Variants in RALGAPB observed in about 807,000 individuals in gnomAD.
RALGAPB encodes Ral GTPase activating protein non-catalytic subunit beta, also known as ral GTPase-activating protein subunit beta.
A neutral mutation model predicts 161.1 loss-of-function variants in RALGAPB; 25 were observed. That is an observed-to-expected ratio of 0.16 (90% CI 0.11 to 0.22). The LOEUF is 0.22. Among genes scored for constraint, RALGAPB ranks in the 10% least tolerant of loss-of-function variants. The pLI is 1.00. For synonymous variants in RALGAPB, 629 were observed against 626.1 expected, an observed-to-expected ratio of 1.00 and a Z score of -0.07; for missense variants, 1,391 against 1,815.2, an observed-to-expected ratio of 0.77 and a Z score of 4.25.
chr20:38,543,024 G>A (rs1303836520), intron 18 of RALGAPB, among the ~76,000 whole-genome samples: 1 of 152,138 alleles, frequency 6.6e-6, no homozygotes, highest in Non-Finnish European at 1.5e-5. Flanking sequence ...TGAGTGCATG[G>A]CTAGCAGTGA....
At chr20:38,476,532 T>C (rs1318923231) in intron 1 of RALGAPB, among the ~76,000 whole-genome samples, 1 of 152,068 alleles carries the variant, frequency 6.6e-6, no homozygotes, top group Non-Finnish European at 1.5e-5. Context: ...TGTATTGTTG[T>C]GTTGTGTTTG....
At chr20:38,502,421 A>G (rs1276206389) in intron 5 of RALGAPB, among the ~76,000 whole-genome samples, 1 of 152,214 alleles carries the variant, frequency 6.6e-6, no homozygotes, top group African/African-American at 2.4e-5. Context: ...AACTCATGAC[A>G]TTACAAGAAA....
In RALGAPB at chr20:38,488,628, T is replaced by G. The variant is rs2122862361; in HGVS notation, c.186+10T>G. 1 of 1,598,732 alleles carries G rather than the reference T, an allele frequency of 6.3e-7. No individual in the cohort carries two copies. The highest frequency in any genetic ancestry group is 8.5e-7 in the Non-Finnish European group (1 of 1,170,064). Reference sequence around the variant, plus strand: ...AAAAACTGACAAAGAAGTAAGTGTTTCTAAATTTCATTCTCTTATATGAAA... The same window carrying G: ...AAAAACTGACAAAGAAGTAAGTGTTGCTAAATTTCATTCTCTTATATGAAA... On this transcript the variant is annotated intron_variant, in intron 2 of 29. Transcript: ENST00000262879.
At chr20:38,553,382 G>A (rs1185250760) in intron 21 of RALGAPB, among the ~76,000 whole-genome samples, 1 of 152,162 alleles carries the variant, frequency 6.6e-6, no homozygotes, top group Admixed American at 6.5e-5. Flanking sequence ...GGTGAAGATG[G>A]ACAGTGATCT....
intron 18 of RALGAPB, among the ~76,000 whole-genome samples, 155 bp downstream of exon 18, chr20:38,541,347 C>G (rs2086958123): frequency 1.3e-5 from 2 of 151,898 alleles, no homozygotes; most frequent in Admixed American, 1.3e-4. Context: ...AAGAAAATCT[C>G]TATTTTTTTT....
At chr20:38,512,225 A>G (rs2085982199) in intron 6 of RALGAPB, among the ~76,000 whole-genome samples, 1 of 152,230 alleles carries the variant, frequency 6.6e-6, no homozygotes, top group South Asian at 2.1e-4. Context: ...TATATATAGC[A>G]TTTAAAAGAG....
chr20:38,521,910 G>A (rs1329741182), intron 10 of RALGAPB, among the ~76,000 whole-genome samples: 1 of 152,176 alleles, frequency 6.6e-6, no homozygotes, highest in Non-Finnish European at 1.5e-5. Context: ...TGCTATTTAT[G>A]TCATCTTATT....
chr20:38,507,067 A>G (rs963509005), intron 5 of RALGAPB, among the ~76,000 whole-genome samples: 1 of 152,192 alleles, frequency 6.6e-6, no homozygotes, highest in African/African-American at 2.4e-5. Context: ...CTTGATTATA[A>G]TCACAGTACA....
At chr20:38,553,313 C>CT (rs769041282) in intron 21 of RALGAPB, among the ~76,000 whole-genome samples, 4 of 152,102 alleles carry the variant, frequency 2.6e-5, no homozygotes, top group Non-Finnish European at 5.9e-5. Context: ...GGAGAAGTCT[C>CT]TAAGAGTACA....
At chr20:38,561,096 C>T (rs1323895866) in intron 23 of RALGAPB, among the ~76,000 whole-genome samples, 5 of 152,180 alleles carry the variant, frequency 3.3e-5, no homozygotes, top group African/African-American at 7.2e-5. Flanking sequence ...GAGGCCGAGG[C>T]GCGCGGATCA....
intron 23 of RALGAPB, among the ~76,000 whole-genome samples, 174 bp downstream of exon 23, chr20:38,558,627 A>G (rs1412411692): frequency 6.6e-6 from 1 of 152,180 alleles, no homozygotes; most frequent in Admixed American, 6.5e-5. Context: ...TCAAGTTTTT[A>G]AAGATAAAAA....
At chr20:38,537,997 C>A in intron 16 of RALGAPB, 1 of 155,164 alleles carries the variant, frequency 6.4e-6, no homozygotes, top group Admixed American at 6.4e-5. Context: ...TCCTTGAGGG[C>A]AGGGAAAGCT....
intron 24 of RALGAPB, among the ~76,000 whole-genome samples, chr20:38,564,488 G>T (rs940443324): frequency 6.6e-6 from 1 of 152,126 alleles, no homozygotes; most frequent in Non-Finnish European, 1.5e-5. Flanking sequence ...TTTAATAATG[G>T]TTGAGCATAT....
chr20:38,543,573 A>G (rs1268000367), intron 18 of RALGAPB, among the ~76,000 whole-genome samples: 2 of 152,172 alleles, frequency 1.3e-5, no homozygotes, highest in Non-Finnish European at 1.5e-5. Flanking sequence ...CTTGTTGTCT[A>G]AACTCCTCAA....
Position 38,576,082 on chromosome 20 carries a change from G to C in RALGAPB, c.*1115G>C, listed in dbSNP as rs1302765502. ...TTTGCCAGCCAACAGATCCCTGCCA[G>C]GTTTTGGAAATACTTCTATTACCTC... On this transcript the variant is annotated 3_prime_UTR_variant, in exon 30 of 30. Coordinates refer to ENST00000262879, the MANE Select transcript of RALGAPB (RefSeq NM_020336.4). 6.6e-6 allele frequency: 1 copy of C among 152,336 alleles called. No individual in the cohort carries two copies. The highest frequency in any genetic ancestry group is 1.5e-5 in the Non-Finnish European group (1 of 68,034). 9.4% of individuals were successfully genotyped at this position (152,336 alleles called of 1,614,324 possible). A position where few individuals can be genotyped will look rare whatever the true frequency, so the allele number is the denominator to read the frequency against.
At chr20:38,474,902 A>C (rs1304351393) in intron 1 of RALGAPB, among the ~76,000 whole-genome samples, 2 of 152,098 alleles carry the variant, frequency 1.3e-5, no homozygotes, top group Non-Finnish European at 1.5e-5. Flanking sequence ...ATTCTTCTCT[A>C]TTTCCATTTT....
chr20:38,499,596 G>A lies in RALGAPB; in HGVS notation c.703G>A (p.Glu235Lys). ...CTGGAGGCATCACCCAGCAGTGGTGGAGCAGTGGAGCAAGGTCATTTGTGC... is the reference window on the plus strand; with the variant it reads ...CTGGAGGCATCACCCAGCAGTGGTGAAGCAGTGGAGCAAGGTCATTTGTGC... ...ANWRHHPAVV[E>K]QWSKVICALT... The change falls in exon 5 of 30, where the codon GAG becomes AAG. Residue 235 changes from glutamate to lysine, a missense_variant. By Grantham distance (56) the Glu-to-Lys change is moderately conservative (BLOSUM62 1). Around this residue, in one of 3 missense-constraint regions of RALGAPB, gnomAD observed 946 missense variants for 1,257.2 expected, o/e 0.75. Transcript: ENST00000262879. The A allele has an allele frequency of 6.2e-7, 1 of 1,613,684 alleles. No individual in the cohort carries two copies. The highest frequency in any genetic ancestry group is 8.5e-7 in the Non-Finnish European group (1 of 1,179,864).
Position 38,574,935 on chromosome 20 carries a change from C to G in RALGAPB, c.4453C>G (p.Gln1485Glu), listed in dbSNP as rs780876076. 16 of 1,613,776 alleles carry G rather than the reference C, an allele frequency of 9.9e-6. No individual in the cohort carries two copies. The highest frequency in any genetic ancestry group is 1.4e-5 in the Non-Finnish European group (16 of 1,179,708). Residue 1485 changes from glutamine (Q) to glutamate (E), a missense_variant, in exon 30 of 30, where the codon CAG becomes GAG. Physicochemically the swap from Gln to Glu is conservative, Grantham distance 29. Coordinates refer to ENST00000262879, the MANE Select transcript of RALGAPB (RefSeq NM_020336.4). ...GCCAGAGTTTTATACTTCACTTTTC[C>G]AGGAGGTTGGACTCAAGAACTGCAG... ...LEPEFYTSLF[Q>E]EVGLKNCSS
chr20:38,504,230 C>T (rs1187169824), intron 5 of RALGAPB, among the ~76,000 whole-genome samples: 2 of 152,100 alleles, frequency 1.3e-5, no homozygotes, highest in Non-Finnish European at 2.9e-5. Flanking sequence ...GGTACAAAAA[C>T]AGATATATAA....
Sources: allele counts gnomAD v4.1 joint callset (sites outside exome capture counted in the v4.1 genomes callset), GRCh38; gene constraint gnomAD v4.1.1; regional missense constraint gnomAD v4.1.1; transcripts MANE v1.5; gene names NCBI Gene and HGNC (gene_info 2026-07-23, HGNC 2026-07-21).